LRMDA: variants seen among roughly 807,000 people sequenced by gnomAD.
The protein encoded by LRMDA is leucine rich melanocyte differentiation associated.
LRMDA carries 18 observed loss-of-function variants against 29.8 expected under a neutral mutation model. The observed-to-expected ratio is 0.60, with a 90% CI of 0.42 to 0.90. LRMDA has a LOEUF of 0.90. LRMDA is among the 40% of genes least tolerant of loss of function. The pLI, the probability that LRMDA is intolerant of heterozygous loss-of-function variation, is 0.00. For synonymous variants in LRMDA, 125 were observed against 109.4 expected, an observed-to-expected ratio of 1.14 and a Z score of -0.89; for missense variants, 273 against 273.9, an observed-to-expected ratio of 1.00 and a Z score of 0.02.
intron 5 of LRMDA, among the ~76,000 whole-genome samples, chr10:76,254,364 CTATGCTATGCTATG>C (rs1564701553): frequency 3.8e-5 from 5 of 132,772 alleles, no homozygotes; most frequent in African/African-American, 1.3e-4. Flanking sequence ...CTATCCTATG[CTATGCTATGCTATG>C]CTATGCTATG....
intron 3 of LRMDA, among the ~76,000 whole-genome samples, chr10:76,046,740 T>TC (rs1415137675): frequency 1.3e-5 from 2 of 152,194 alleles, no homozygotes; most frequent in African/African-American, 4.8e-5. Flanking sequence ...TACCAGGGCC[T>TC]CCCAACGTAC....
chr10:76,220,675 C>T (rs1313470540), intron 5 of LRMDA, among the ~76,000 whole-genome samples: 3 of 152,084 alleles, frequency 2.0e-5, no homozygotes, highest in South Asian at 2.1e-4. Flanking sequence ...GATTCATAGC[C>T]GAATTCTACC....
intron 2 of LRMDA, among the ~76,000 whole-genome samples, chr10:75,673,990 A>G (rs1841931097): frequency 2.0e-5 from 3 of 152,238 alleles, no homozygotes; most frequent in African/African-American, 7.2e-5. Flanking sequence ...CTTGAAGATG[A>G]TGAAAAGTCT....
At chr10:75,468,053 A>G (rs1374255079) in intron 2 of LRMDA, among the ~76,000 whole-genome samples, 1 of 152,110 alleles carries the variant, frequency 6.6e-6, no homozygotes, top group Non-Finnish European at 1.5e-5. Flanking sequence ...TGATAGTGGT[A>G]TAATAATCTC....
At chr10:76,456,065 A>C (rs1419663816) in intron 6 of LRMDA, among the ~76,000 whole-genome samples, 1 of 152,192 alleles carries the variant, frequency 6.6e-6, no homozygotes, top group African/African-American at 2.4e-5. Flanking sequence ...GGGTATGAAT[A>C]TCCCTCAGAG....
At chr10:75,457,106 T>C (rs1421081823) in intron 2 of LRMDA, among the ~76,000 whole-genome samples, 1 of 152,234 alleles carries the variant, frequency 6.6e-6, no homozygotes. Flanking sequence ...AGGTGTTCTT[T>C]CCAGCTTAAA....
At chr10:75,622,626 G>A (rs1228488243) in intron 2 of LRMDA, among the ~76,000 whole-genome samples, 1 of 152,172 alleles carries the variant, frequency 6.6e-6, no homozygotes, top group East Asian at 1.9e-4. Context: ...GGGAGTCACA[G>A]ACGCATTCTT....
At chr10:76,543,313 T>C (rs1170526319) in intron 6 of LRMDA, among the ~76,000 whole-genome samples, 1 of 101,112 alleles carries the variant, frequency 9.9e-6, no homozygotes, top group African/African-American at 3.6e-5. Context: ...TATTGGGGTG[T>C]GCCTGTGTGT....
At chr10:75,514,694 GCCATGTGTCAGGCCCT>G (rs1467050423) in intron 2 of LRMDA, among the ~76,000 whole-genome samples, 1 of 152,100 alleles carries the variant, frequency 6.6e-6, no homozygotes, top group Non-Finnish European at 1.5e-5. Context: ...CCTTTGTCTT[GCCATGTGTCAGGCCCT>G]CCTTCGCCTT....
intron 2 of LRMDA, among the ~76,000 whole-genome samples, chr10:75,827,820 T>C (rs1414376697): frequency 2.0e-5 from 3 of 152,248 alleles, no homozygotes; most frequent in Non-Finnish European, 4.4e-5. Context: ...TTGTTTATCA[T>C]GCTGTGGCTT....
intron 6 of LRMDA, among the ~76,000 whole-genome samples, chr10:76,450,365 G>A (rs924701385): frequency 1.3e-5 from 2 of 151,860 alleles, no homozygotes; most frequent in African/African-American, 4.8e-5. Context: ...ATTTTTGTAG[G>A]ATTTTAAATT....
At chr10:76,357,735 C>A (rs934049362) in intron 6 of LRMDA, among the ~76,000 whole-genome samples, 1 of 152,140 alleles carries the variant, frequency 6.6e-6, no homozygotes, top group Admixed American at 6.5e-5. Context: ...GAGAAGTCAG[C>A]CACAAAGCCA....
chr10:76,149,979 G>C (rs1022752915), intron 5 of LRMDA, among the ~76,000 whole-genome samples: 1 of 152,182 alleles, frequency 6.6e-6, no homozygotes, highest in Non-Finnish European at 1.5e-5. Flanking sequence ...ACCAACCAGG[G>C]CTCCCTAGGG....
chr10:76,474,245 C>T (rs554319781), intron 6 of LRMDA, among the ~76,000 whole-genome samples: 1 of 151,708 alleles, frequency 6.6e-6, no homozygotes, highest in East Asian at 1.9e-4. Context: ...AATCAAAGCC[C>T]TAATATCACC....
intron 2 of LRMDA, among the ~76,000 whole-genome samples, chr10:75,750,307 A>C (rs1397379229): frequency 3.4e-5 from 5 of 145,428 alleles, no homozygotes; most frequent in Non-Finnish European, 6.0e-5. Context: ...GCTGCCCCCC[A>C]CCTCCCTCCC....
At chr10:76,123,988 T>C (rs1898079) in intron 5 of LRMDA, among the ~76,000 whole-genome samples, 83,933 of 151,546 alleles carry the variant, frequency 0.55, 24,732 homozygotes, top group African/African-American at 0.76. Context: ...TTCCCCTCCC[T>C]GATCTTTTCT....
At chr10:75,585,629 T>G (rs1840646987) in intron 2 of LRMDA, among the ~76,000 whole-genome samples, 1 of 152,264 alleles carries the variant, frequency 6.6e-6, no homozygotes, top group Non-Finnish European at 1.5e-5. Context: ...ACTTATGTCA[T>G]ACACTTGGCA....
chr10:76,349,759 A>G (rs1161364415), intron 6 of LRMDA, among the ~76,000 whole-genome samples: 2 of 152,134 alleles, frequency 1.3e-5, no homozygotes, highest in East Asian at 3.8e-4. Flanking sequence ...GGGAGTTGTG[A>G]ATTAATGTAT....
chr10:75,890,643 G>A (rs533410310), intron 2 of LRMDA, among the ~76,000 whole-genome samples: 3 of 152,258 alleles, frequency 2.0e-5, no homozygotes, highest in South Asian at 2.1e-4. Flanking sequence ...TAGTGAAGAG[G>A]ACCTGTACCA....
Sources: gnomAD v4.1 joint callset for allele counts (sites outside exome capture counted in the v4.1 genomes callset) on GRCh38, gnomAD v4.1.1 for gene constraint, MANE v1.5 for transcripts, NCBI Gene and HGNC (gene_info 2026-07-23, HGNC 2026-07-21) for gene names.